The following ROBO2 variants were observed in gnomAD, a reference collection of about 807,000 sequenced individuals.
ROBO2 encodes roundabout homolog 2.
ROBO2 carries 53 observed loss-of-function variants against 160.8 expected under a neutral mutation model. The observed-to-expected ratio is 0.33, with a 90% confidence interval of 0.26 to 0.41. The LOEUF (loss-of-function observed/expected upper bound fraction) is 0.41, where lower values mean the gene tolerates loss of function less well. Among genes scored for constraint, ROBO2 ranks in the 10% least tolerant of loss-of-function variants. The pLI, the probability that ROBO2 is intolerant of heterozygous loss-of-function variation, is 1.00. For synonymous variants in ROBO2, 664 were observed against 611.7 expected (o/e 1.09, Z -1.26); for missense variants, 1,577 against 1,722.4 (o/e 0.92, Z 1.49).
chr3:77,026,449 T>C (rs936834960), intron 2 of ROBO2, among the ~76,000 whole-genome samples: 1 of 152,214 alleles, frequency 6.6e-6, no homozygotes, highest in Admixed American at 6.5e-5. Flanking sequence ...ACAAGCATGA[T>C]GGGTTAGACC....
rs2072469661 is a variant in ROBO2, at chr3:76,157,906, G to A, written c.109+220304G>A. ...CACATCTTCTCTCCTTCTAGACCTT[G>A]AGACTTGGCAGAGTCTCAAAATTAC... On this transcript the variant is annotated intron_variant, in intron 2 of 26. Transcript: ENST00000487694. Among the ~76,000 whole-genome samples, 2 of 152,128 alleles carry A rather than the reference G, an allele frequency of 1.3e-5. 1 individual carries two copies. The highest frequency in any genetic ancestry group is 4.1e-4 in the South Asian group (2 of 4,830).
At chr3:77,599,165 C>A (rs1383849498) in intron 19 of ROBO2, among the ~76,000 whole-genome samples, 2 of 152,114 alleles carry the variant, frequency 1.3e-5, no homozygotes, top group African/African-American at 4.8e-5. Flanking sequence ...TCATTTTAAG[C>A]ATTTACTATG....
At chr3:77,087,581 G>A (rs900592105) in intron 1 of ROBO2, among the ~76,000 whole-genome samples, 4 of 152,074 alleles carry the variant, frequency 2.6e-5, no homozygotes, top group Non-Finnish European at 5.9e-5. Flanking sequence ...AATTTATAAA[G>A]TAGAAGAGTA....
At chr3:77,442,195 CCA>C (rs1475603219) in intron 2 of ROBO2, among the ~76,000 whole-genome samples, 1 of 152,008 alleles carries the variant, frequency 6.6e-6, no homozygotes, top group Non-Finnish European at 1.5e-5. Context: ...GCCTGTAGTC[CCA>C]GCTACTCGGG....
At chr3:77,021,913 A>G (rs1276778036) in intron 2 of ROBO2, among the ~76,000 whole-genome samples, 1 of 152,212 alleles carries the variant, frequency 6.6e-6, no homozygotes, top group Non-Finnish European at 1.5e-5. Flanking sequence ...TGGACTTCCC[A>G]GCCTCCAGAA....
chr3:77,052,948 C>T (rs2065366699), intron 1 of ROBO2, among the ~76,000 whole-genome samples: 1 of 152,158 alleles, frequency 6.6e-6, no homozygotes. Context: ...AAGGGACAGT[C>T]TGTGAATTAC....
intron 2 of ROBO2, among the ~76,000 whole-genome samples, chr3:76,485,284 T>A (rs887508880): frequency 6.6e-6 from 1 of 151,816 alleles, no homozygotes; most frequent in Non-Finnish European, 1.5e-5. Flanking sequence ...AGGCACTAGA[T>A]TCTCACAAGG....
At chr3:77,121,543 G>T (rs1433262241) in intron 2 of ROBO2, among the ~76,000 whole-genome samples, 1 of 152,006 alleles carries the variant, frequency 6.6e-6, no homozygotes, top group Non-Finnish European at 1.5e-5. Context: ...TGTTTTATCT[G>T]CAAGTAACGA....
chr3:76,757,606 AT>A (rs869121485), intron 2 of ROBO2, among the ~76,000 whole-genome samples: 5 of 126,372 alleles, frequency 4.0e-5, no homozygotes, highest in African/African-American at 1.4e-4. Flanking sequence ...AGAGTGGTTT[AT>A]TTTTTTTTTA....
chr3:77,432,629 C>A (rs2078890716), intron 2 of ROBO2, among the ~76,000 whole-genome samples: 1 of 152,090 alleles, frequency 6.6e-6, no homozygotes, highest in African/African-American at 2.4e-5. Context: ...TGCTTTGGGG[C>A]CACAATGACA....
chr3:77,526,759 C>T (rs1325917240), intron 6 of ROBO2, among the ~76,000 whole-genome samples: 1 of 151,430 alleles, frequency 6.6e-6, no homozygotes, highest in African/African-American at 2.4e-5. Flanking sequence ...CAGGAATCAA[C>T]TTGTCAGTCA....
At chr3:77,249,642 T>C (rs76599086) in intron 2 of ROBO2, among the ~76,000 whole-genome samples, 4,007 of 152,174 alleles carry the variant, frequency 0.026, 56 homozygotes, top group Middle Eastern at 0.054. Context: ...TATTTAAAAA[T>C]GTTATAGTTG....
chr3:77,331,013 A>G (rs775904689), intron 2 of ROBO2, among the ~76,000 whole-genome samples: 5 of 152,192 alleles, frequency 3.3e-5, no homozygotes, highest in African/African-American at 9.7e-5. Context: ...TCAGAGTGAA[A>G]AAGTTACCTT....
rs142673350 is a variant in ROBO2, at chr3:76,143,881, G to A, written c.109+206279G>A. On this transcript the variant is annotated intron_variant, in intron 2 of 26. Coordinates refer to the ROBO2 transcript ENST00000487694. ...CCTCGGGGCCAGGAGATTGTGTGGC[G>A]TTAGTTCCACTGTAAGGTGGGAGAA... Among the ~76,000 whole-genome samples the A allele has an allele frequency of 6.2e-3, 946 of 152,134 alleles. 6 individuals carry two copies. Among genetic ancestry groups the A allele is most frequent in the Non-Finnish European group, 9.0e-3 (615 of 67,970 alleles).
chr3:76,148,878 T>C (rs2072029930), intron 2 of ROBO2, among the ~76,000 whole-genome samples: 1 of 152,092 alleles, frequency 6.6e-6, no homozygotes, highest in Non-Finnish European at 1.5e-5. Context: ...CTTTTCACTA[T>C]TCCATCTATA....
At chr3:76,519,945 G>A (rs919144368) in intron 2 of ROBO2, among the ~76,000 whole-genome samples, 2 of 152,056 alleles carry the variant, frequency 1.3e-5, no homozygotes, top group Non-Finnish European at 2.9e-5. Flanking sequence ...CAGGTCAGCC[G>A]AAAAGCCTAA....
chr3:77,238,617 T>C (rs2151341113), intron 2 of ROBO2, among the ~76,000 whole-genome samples: 1 of 152,322 alleles, frequency 6.6e-6, no homozygotes, highest in South Asian at 2.1e-4. Context: ...TTAATATAAC[T>C]CCAAGTATAT....
At chr3:77,426,687 A>C (rs1234192123) in intron 2 of ROBO2, among the ~76,000 whole-genome samples, 11 of 65,498 alleles carry the variant, frequency 1.7e-4, no homozygotes, top group African/African-American at 7.8e-4. Flanking sequence ...TCAGGAAGGA[A>C]GGAAGGAAGG....
intron 2 of ROBO2, among the ~76,000 whole-genome samples, chr3:76,482,199 C>G (rs1266091461): frequency 6.6e-6 from 1 of 152,100 alleles, no homozygotes; most frequent in Non-Finnish European, 1.5e-5. Flanking sequence ...GTCATCTTTT[C>G]AAACACAAAT....
Sources: gnomAD v4.1 joint callset for allele counts (sites outside exome capture counted in the v4.1 genomes callset) on GRCh38, gnomAD v4.1.1 for gene constraint, MANE v1.5 for transcripts, NCBI Gene and HGNC (gene_info 2026-07-23, HGNC 2026-07-21) for gene names.